The following OPHN1 variants were observed in gnomAD, a reference collection of about 807,000 sequenced individuals.
OPHN1 encodes the protein oligophrenin-1.
Under a neutral mutation model 60.7 loss-of-function variants are expected in OPHN1, and 11 were observed. The observed-to-expected ratio is 0.18, with a 90% CI of 0.11 to 0.30. The LOEUF (loss-of-function observed/expected upper bound fraction) is 0.30, where lower values mean the gene tolerates loss of function less well. Among genes scored for constraint, OPHN1 ranks in the 10% least tolerant of loss-of-function variants. The pLI, the probability that OPHN1 is intolerant of heterozygous loss-of-function variation, is 1.00. For missense variants in OPHN1, 449 were observed against 611.0 expected (o/e 0.73, Z 2.80); for synonymous variants, 226 against 222.6 (o/e 1.02, Z -0.14).
intron 19 of OPHN1, among the ~76,000 whole-genome samples, chrX:68,081,071 G>A (rs1348550831): frequency 3.6e-5 from 4 of 111,169 alleles, no homozygotes; most frequent in Admixed American, 9.6e-5. Context: ...ATTTTTTTTC[G>A]TGATTCCTCT....
At chrX:68,381,775 T>C (rs2078597921) in intron 2 of OPHN1, among the ~76,000 whole-genome samples, 1 of 111,016 alleles carries the variant, frequency 9.0e-6, no homozygotes, top group Non-Finnish European at 1.9e-5. Flanking sequence ...ATGGCAAGCT[T>C]CTTGAGGATA....
chrX:68,149,993 G>A (rs1461699624), intron 15 of OPHN1, among the ~76,000 whole-genome samples: 1 of 111,598 alleles, frequency 9.0e-6, no homozygotes, highest in Admixed American at 9.5e-5. Flanking sequence ...AACTGAACAT[G>A]CTACAATATG....
chrX:68,165,234 C>T (rs959204577), intron 15 of OPHN1, among the ~76,000 whole-genome samples: 1 of 112,031 alleles, frequency 8.9e-6, no homozygotes, highest in African/African-American at 3.2e-5. Flanking sequence ...TTCTCATTTG[C>T]ATTCACAACT....
At chrX:68,212,262 C>A in intron 7 of OPHN1, 50 bp from the exon 8 acceptor site, 1 of 895,804 alleles carries the variant, frequency 1.1e-6, no homozygotes, top group East Asian at 3.4e-5. Context: ...TTCTAATAAA[C>A]TAAATAAAAG....
chrX:68,248,681 G>C (rs1270143488), intron 5 of OPHN1, among the ~76,000 whole-genome samples: 1 of 112,183 alleles, frequency 8.9e-6, no homozygotes, highest in African/African-American at 3.2e-5. Flanking sequence ...GCTAAGATTT[G>C]GAAGCAACCT....
chrX:68,092,152 T>C (rs989132628), intron 19 of OPHN1, among the ~76,000 whole-genome samples: 24 of 111,416 alleles, frequency 2.2e-4, no homozygotes, highest in African/African-American at 7.2e-4. Context: ...TTAAGCCCTT[T>C]TCTATTAAAG....
chrX:68,378,786 A>G (rs1207883990), intron 2 of OPHN1, among the ~76,000 whole-genome samples: 8 of 110,925 alleles, frequency 7.2e-5, no homozygotes, highest in East Asian at 2.8e-4. Context: ...TGTTCCATTG[A>G]TCTATATCTC....
intron 2 of OPHN1, among the ~76,000 whole-genome samples, chrX:68,378,084 C>T (rs1053762250): frequency 8.9e-6 from 1 of 111,913 alleles, no homozygotes; most frequent in African/African-American, 3.2e-5. Flanking sequence ...ACATCCTCTC[C>T]AGCATCTGCT....
At chrX:68,416,067 T>G (rs5919556) in intron 2 of OPHN1, among the ~76,000 whole-genome samples, 484 of 7,613 alleles carry the variant, frequency 0.064, 14 homozygotes, top group East Asian at 0.21. Flanking sequence ...TATATATATA[T>G]AGAGAGAGAG....
At chrX:68,092,315 C>T (rs1285096730) in intron 19 of OPHN1, among the ~76,000 whole-genome samples, 1 of 111,967 alleles carries the variant, frequency 8.9e-6, no homozygotes, top group African/African-American at 3.2e-5. Context: ...TTTAATCCCA[C>T]AACCACCATG....
At chrX:68,275,826 T>A (rs1272338022) in intron 4 of OPHN1, among the ~76,000 whole-genome samples, 1 of 111,370 alleles carries the variant, frequency 9.0e-6, no homozygotes, top group Non-Finnish European at 1.9e-5. Flanking sequence ...CATTAGTGCA[T>A]AGGTTATACG....
chrX:68,344,700 C>T (rs1017316868), intron 2 of OPHN1, among the ~76,000 whole-genome samples: 2 of 111,294 alleles, frequency 1.8e-5, no homozygotes, highest in Non-Finnish European at 3.8e-5. Context: ...CACAGTGAGA[C>T]ACCCCCTACA....
At chrX:68,194,565 A>AAT in intron 12 of OPHN1, 67 bp from the exon 13 acceptor site, 1 of 915,390 alleles carries the variant, frequency 1.1e-6, no homozygotes, top group Non-Finnish European at 1.6e-6. Flanking sequence ...CAGAGAACAT[A>AAT]ATATTAAATA....
intron 6 of OPHN1, among the ~76,000 whole-genome samples, chrX:68,232,806 T>C (rs898693900): frequency 9.1e-6 from 1 of 109,619 alleles, no homozygotes; most frequent in African/African-American, 3.3e-5. Context: ...ACAGAATAGA[T>C]AGAAAAGGAA....
At chrX:68,362,331 A>T (rs2078477215) in intron 2 of OPHN1, among the ~76,000 whole-genome samples, 1 of 111,539 alleles carries the variant, frequency 9.0e-6, no homozygotes, top group Non-Finnish European at 1.9e-5. Context: ...TAACTCATAA[A>T]AGTAGAGAGT....
At chrX:68,172,579 T>G (rs780403068) in intron 15 of OPHN1, among the ~76,000 whole-genome samples, 1 of 111,367 alleles carries the variant, frequency 9.0e-6, no homozygotes, top group South Asian at 3.8e-4. Context: ...ATTACTGAAT[T>G]GCACACTTCA....
At chrX:68,264,059 G>T in intron 5 of OPHN1, among the ~76,000 whole-genome samples, 1 of 111,124 alleles carries the variant, frequency 9.0e-6, no homozygotes, top group African/African-American at 3.3e-5. Flanking sequence ...CCATATGTAG[G>T]CAGCTGAAAC....
chrX:68,146,994 C>T (rs774625478), intron 15 of OPHN1, among the ~76,000 whole-genome samples: 1 of 111,895 alleles, frequency 8.9e-6, no homozygotes, highest in East Asian at 2.8e-4. Context: ...AGTACTTCTC[C>T]TAAGATCTCC....
chrX:68,102,380 C>T (rs1336434665), intron 18 of OPHN1, among the ~76,000 whole-genome samples: 2 of 111,580 alleles, frequency 1.8e-5, no homozygotes, highest in South Asian at 3.8e-4. Context: ...AAGCAGTATT[C>T]GCAGGGAAAT....
Sources: gnomAD v4.1 joint callset for allele counts (sites outside exome capture counted in the v4.1 genomes callset) on GRCh38, gnomAD v4.1.1 for gene constraint, MANE v1.5 for transcripts, NCBI Gene and HGNC (gene_info 2026-07-23, HGNC 2026-07-21) for gene names.